Variants in RGR observed in about 807,000 individuals in gnomAD.
The protein encoded by RGR is RPE-retinal G protein-coupled receptor.
RGR carries 30 observed loss-of-function variants against 28.6 expected under a neutral mutation model. The observed-to-expected ratio is 1.05, with a 90% CI of 0.78 to 1.42. The LOEUF (loss-of-function observed/expected upper bound fraction) is 1.42. Ranked by LOEUF, RGR falls within the 40% of genes most tolerant of loss-of-function variation. RGR has a pLI of 0.00. For synonymous variants in RGR, 180 were observed against 156.4 expected (o/e 1.15, Z -1.13); for missense variants, 404 against 375.6 (o/e 1.08, Z -0.62).
chr10:84,248,927 G>A lies in RGR; in HGVS notation c.242G>A (p.Trp81Ter). 1.2e-6 allele frequency: 2 copies of A among 1,614,206 alleles called. No homozygotes were observed. Among genetic ancestry groups the A allele is most frequent in the Non-Finnish European group, 1.7e-6 (2 of 1,180,036 alleles). Reference sequence around the variant, plus strand: ...GTGCCCAGTGTCTCCCACAGGCGCTGGCCCTACGGCTCGGACGGCTGCCAG... The same window carrying A: ...GTGCCCAGTGTCTCCCACAGGCGCTAGCCCTACGGCTCGGACGGCTGCCAG... ...VAATSSLLRR[W>*]PYGSDGCQAH... The change falls in exon 3 of 7, where the codon TGG becomes TAG. Residue 81 changes from tryptophan (W) to a stop codon, truncating the protein, a stop_gained. Transcript: ENST00000652092. LOFTEE classifies it high-confidence loss of function.
At chr10:84,250,410 C>G (rs973826029) in intron 3 of RGR, 3 of 717,326 alleles carry the variant, frequency 4.2e-6, no homozygotes, top group East Asian at 2.7e-5. Flanking sequence ...TCGGTCTCAT[C>G]ATTTTGAGTG....
rs1031875970 is a variant in RGR at position 84,259,699 on chromosome 10, A to G, written c.*1060A>G. 2 of 152,046 alleles carry G rather than the reference A, an allele frequency of 1.3e-5. No individual in the cohort carries two copies. Among genetic ancestry groups the G allele is most frequent in the African/African-American group, 4.8e-5 (2 of 41,392 alleles). The allele number at this position is 152,046 out of a possible 1,614,324, so 9.4% of individuals were successfully genotyped here. ...CCACGTGTATGTATTCTTTTTGAAA[A>G]AATGTTTATTCATGTCTTTTGCCCA... On this transcript the variant is annotated 3_prime_UTR_variant, in exon 7 of 7. Coordinates refer to ENST00000652092, the MANE Select transcript of RGR (RefSeq NM_001012720.2).
chr10:84,249,708 A>C (rs547819253), intron 3 of RGR, among the ~76,000 whole-genome samples: 1 of 152,370 alleles, frequency 6.6e-6, no homozygotes, highest in South Asian at 2.1e-4. Flanking sequence ...CTCTGCAGAC[A>C]GGCGCAGAGA....
At position 84,247,739 on chromosome 10, in the gene RGR, C is replaced by A. The variant is rs772539741; in HGVS notation, c.228C>A (p.Ser76Arg). 6.2e-7 allele frequency: 1 copy of A among 1,614,058 alleles called. No homozygotes were observed. Among genetic ancestry groups the A allele is most frequent in the African/African-American group, 1.3e-5 (1 of 74,930 alleles). Reference protein sequence around the residue: ...SLNALVAATSSLLRRWPYGSD... With the variant: ...SLNALVAATSRLLRRWPYGSD... ...ATGCCCTCGTTGCAGCCACATCCAG[C>A]CTTCTCCGGTACCAGCCCCCTCCCC... The change falls in exon 2 of 7, where the codon AGC (serine) becomes AGA (arginine). Residue 76 changes from serine (S) to arginine (R), a missense_variant. By Grantham distance (110) the Ser-to-Arg change is moderately radical. Transcript: ENST00000652092.
chr10:84,249,118 ATAAC>A, intron 3 of RGR, 75 bp downstream of exon 3: 1 of 1,589,678 alleles, frequency 6.3e-7, no homozygotes, highest in Non-Finnish European at 8.6e-7. Context: ...AGGGGCAGTC[ATAAC>A]TAGCTACTGC....
At position 84,249,023 on chromosome 10, in the gene RGR, G is replaced by C. The variant is rs571639109; in HGVS notation, c.338G>C (p.Arg113Pro). Residue 113 changes from arginine (R) to proline (P), a missense_variant, in exon 3 of 7, where the codon CGT (arginine) becomes CCT (proline). By Grantham distance (103) the Arg-to-Pro change is moderately radical. Transcript: ENST00000652092. ...ICSSAAIAWGRYHHYCTRSQL... is the reference protein window; with the variant it reads ...ICSSAAIAWGPYHHYCTRSQL... ...AGCAGTGCAGCCATCGCATGGGGGC[G>C]TTATCACCACTACTGCACCCGTATG... is the stretch of plus-strand genomic sequence containing the variant. 1.2e-6 allele frequency: 2 copies of C among 1,614,062 alleles called. No homozygotes were observed. Among genetic ancestry groups the C allele is most frequent in the South Asian group, 2.2e-5 (2 of 91,072 alleles).
intron 5 of RGR, among the ~76,000 whole-genome samples, chr10:84,256,622 A>G (rs953582523): frequency 6.6e-6 from 1 of 152,088 alleles, no homozygotes; most frequent in Non-Finnish European, 1.5e-5. Flanking sequence ...AGAAGGAGAG[A>G]AAGGGCTTTC....
intron 2 of RGR, 124 bp downstream of exon 2, chr10:84,247,871 G>T (rs1842767602): frequency 7.2e-7 from 1 of 1,385,766 alleles, no homozygotes; most frequent in Admixed American, 1.9e-5. Flanking sequence ...GGCAGAGGGT[G>T]GGCAGGCTAA....
At chr10:84,252,138 G>GA in intron 3 of RGR, among the ~76,000 whole-genome samples, 1 of 152,204 alleles carries the variant, frequency 6.6e-6, no homozygotes, top group Non-Finnish European at 1.5e-5. Context: ...TTCAGGGAAG[G>GA]GACTAGAGGA....
In RGR at chr10:84,257,891, A is replaced by G. The variant is rs201819531; in HGVS notation, c.631-2A>G. The stretch of plus-strand genomic sequence containing the variant: ...ACATCTCCTGTGACAATTTCTCCCC[A>G]GGTAAACACCACTCTGCCAGCAAGG... On this transcript the variant is annotated splice_acceptor_variant, in intron 5 of 6. Coordinates refer to ENST00000652092, the MANE Select transcript of RGR (RefSeq NM_001012720.2). LOFTEE classifies it high-confidence loss of function. 10 of 1,613,830 alleles carry G rather than the reference A, an allele frequency of 6.2e-6. No homozygotes were observed. The East Asian group carries it at 2.2e-4, about 36-fold the overall frequency.
intron 2 of RGR, 40 bp from the exon 3 acceptor site, chr10:84,248,882 G>T (rs1210390609): frequency 6.2e-7 from 1 of 1,614,228 alleles, no homozygotes; most frequent in South Asian, 1.1e-5. Context: ...AGGTGGAAAG[G>T]ATCGGAGGAG....
Position 84,258,814 on chromosome 10 carries a change from G to A in RGR, c.*175G>A, listed in dbSNP as rs1346498231. 4 of 892,632 alleles carry A rather than the reference G, an allele frequency of 4.5e-6. No homozygotes were observed. In the African/African-American group the frequency reaches 5.0e-5, roughly 11 times the overall value. The allele number at this position is 892,632 out of a possible 1,614,324, so 55.3% of individuals were successfully genotyped here. A position where few individuals can be genotyped will look rare whatever the true frequency, so the allele number is the denominator to read the frequency against. On this transcript the variant is annotated 3_prime_UTR_variant, in exon 7 of 7. Transcript: ENST00000652092. ...CCAGGCTGCACAGAAAGAGCCAGAT[G>A]GACCTGAGTGTCGGTCACAGCCCCC...
Position 84,258,647 on chromosome 10 carries a change from A to C in RGR, c.*8A>C, listed in dbSNP as rs766655152. On this transcript the variant is annotated 3_prime_UTR_variant, in exon 7 of 7. Coordinates refer to ENST00000652092, the MANE Select transcript of RGR (RefSeq NM_001012720.2). ...AAGGACCGAACCAAGTGAGCCTGCC[A>C]CCCTGGAGTGAGCCCCAGGCCAGGA... The C allele has an allele frequency of 5.0e-6, 8 of 1,613,970 alleles. No homozygotes were observed. The highest frequency in any genetic ancestry group is 5.1e-6 in the Non-Finnish European group (6 of 1,179,956).
At chr10:84,247,146 C>A (rs72841106) in intron 1 of RGR, among the ~76,000 whole-genome samples, 46 of 152,264 alleles carry the variant, frequency 3.0e-4, no homozygotes, top group African/African-American at 1.1e-3. Context: ...CCATGCCTGG[C>A]GTCCTGGGCA....
At position 84,258,515 on chromosome 10, in the gene RGR, C is replaced by A; in HGVS notation, c.752C>A (p.Ala251Asp). 6.2e-7 allele frequency: 1 copy of A among 1,614,230 alleles called. No homozygotes were observed. Among genetic ancestry groups the A allele is most frequent in the Non-Finnish European group, 8.5e-7 (1 of 1,180,044 alleles). ...ACTTTTCTGCCACAACAGGTGCCCG[C>A]CCTCATTGCCAAAATGGTGCCCACG... Reference protein sequence around the residue: ...SISPKLQMVPALIAKMVPTIN... With the variant: ...SISPKLQMVPDLIAKMVPTIN... The change falls in exon 7 of 7, where the codon GCC (alanine) becomes GAC (aspartate). Residue 251 changes from alanine (A) to aspartate (D), a missense_variant. Ala to Asp is a moderately radical substitution (Grantham distance 126). Transcript: ENST00000652092.
Position 84,252,966 on chromosome 10 carries a change from G to T in RGR, c.468G>T (p.Glu156Asp). 1 of 1,614,060 alleles carries T rather than the reference G, an allele frequency of 6.2e-7. No homozygotes were observed. Among genetic ancestry groups the T allele is most frequent in the Non-Finnish European group, 8.5e-7 (1 of 1,180,024 alleles). Residue 156 changes from glutamate to aspartate, a missense_variant, in exon 4 of 7, where the codon GAG (glutamate) becomes GAT (aspartate). Transcript: ENST00000652092. ...TGGGTTGGGGTCACTACGACTATGA[G>T]CCACTGGGGACATGCTGCACCCTGG... Reference protein sequence around the residue: ...PLLGWGHYDYEPLGTCCTLDY... With the variant: ...PLLGWGHYDYDPLGTCCTLDY...
At chr10:84,255,639 C>T (rs565104388) in intron 5 of RGR, among the ~76,000 whole-genome samples, 5 of 149,808 alleles carry the variant, frequency 3.3e-5, no homozygotes, top group Non-Finnish European at 5.9e-5. Context: ...GGAGTCGTAA[C>T]AAGCAACAAA....
intron 5 of RGR, among the ~76,000 whole-genome samples, 187 bp from the exon 6 acceptor site, chr10:84,257,706 T>C (rs377410208): frequency 6.6e-6 from 1 of 152,170 alleles, no homozygotes; most frequent in South Asian, 2.1e-4. Flanking sequence ...ATAAAAGGCT[T>C]AAGGTCACAC....
rs61441525 is a variant in RGR, at chr10:84,256,059, C to CTT, written c.630+1644_630+1645dup. Reference sequence around the variant, plus strand: ...TCTTTGTTTCTTTTTTTTTTCCTTTCTTTTTTTTTTTTTTTTTTTTTTTTT... The same window carrying CTT: ...TCTTTGTTTCTTTTTTTTTTCCTTTCTTTTTTTTTTTTTTTTTTTTTTTTTTT... On this transcript the variant is annotated intron_variant, in intron 5 of 6. Transcript: ENST00000652092. Among the ~76,000 whole-genome samples, 200 of 54,350 alleles carry CTT rather than the reference C, an allele frequency of 3.7e-3. 17 individuals are homozygous for CTT. Among genetic ancestry groups the CTT allele is most frequent in the African/African-American group, 0.01 (118 of 11,554 alleles). 35.7% of individuals were successfully genotyped at this position (54,350 alleles called of 152,430 possible).
Sources: gnomAD v4.1 joint callset for allele counts (sites outside exome capture counted in the v4.1 genomes callset) on GRCh38, gnomAD v4.1.1 for gene constraint, MANE v1.5 for transcripts, NCBI Gene and HGNC (gene_info 2026-07-23, HGNC 2026-07-21) for gene names.